The following OSBPL6 variants were observed in gnomAD, a reference collection of about 807,000 sequenced individuals.
OSBPL6 encodes the protein oxysterol binding protein like 6.
In OSBPL6, 49 loss-of-function variants were observed where a neutral mutation model predicts 125.8. The observed-to-expected ratio is 0.39, with a 90% confidence interval of 0.31 to 0.49. The LOEUF (loss-of-function observed/expected upper bound fraction) is 0.49. Ranked by LOEUF, OSBPL6 falls within the 20% of genes least tolerant of loss-of-function variation. The pLI, the probability that OSBPL6 is intolerant of heterozygous loss-of-function variation, is 0.88. For missense variants in OSBPL6, 986 were observed against 1,135.4 expected, an observed-to-expected ratio of 0.87 and a Z score of 1.89; for synonymous variants, 394 against 391.8, an observed-to-expected ratio of 1.01 and a Z score of -0.07.
chr2:178,195,485 A>AT, intron 1 of OSBPL6, among the ~76,000 whole-genome samples: 1 of 152,312 alleles, frequency 6.6e-6, no homozygotes, highest in Non-Finnish European at 1.5e-5. Flanking sequence ...ACACAAGCGG[A>AT]TTTTCTCCCC....
intron 15 of OSBPL6, among the ~76,000 whole-genome samples, chr2:178,378,899 C>T (rs1433144792): frequency 6.6e-6 from 1 of 152,124 alleles, no homozygotes; most frequent in East Asian, 1.9e-4. Flanking sequence ...GGCATGGTGG[C>T]TCATGCCTGT....
intron 15 of OSBPL6, among the ~76,000 whole-genome samples, chr2:178,374,363 A>G (rs1394360437): frequency 6.6e-6 from 1 of 152,240 alleles, no homozygotes; most frequent in East Asian, 1.9e-4. Context: ...TAATAAATAT[A>G]GAAAGAATGA....
intron 1 of OSBPL6, among the ~76,000 whole-genome samples, chr2:178,268,424 C>T (rs943437955): frequency 3.4e-5 from 5 of 146,714 alleles, no homozygotes; most frequent in African/African-American, 9.7e-5. Flanking sequence ...GTAAAGTACA[C>T]ACATCTTAAA....
At chr2:178,329,265 A>G (rs186229106) in intron 5 of OSBPL6, among the ~76,000 whole-genome samples, 1 of 152,262 alleles carries the variant, frequency 6.6e-6, no homozygotes, top group East Asian at 1.9e-4. Flanking sequence ...CCTTCCTCCC[A>G]ACATCCTTGT....
In OSBPL6 at chr2:178,290,509, C is replaced by T. The variant is rs139498857; in HGVS notation, c.-156+5388C>T. On this transcript the variant is annotated intron_variant, in intron 2 of 24. Transcript: ENST00000190611. ...CCTTTCAACCTGGCTCCTGTGTATA[C>T]GTATAGAAAAGAGAACCTATCATAT... Among the ~76,000 whole-genome samples the T allele has an allele frequency of 5.5e-3, 806 of 147,548 alleles. 8 individuals carry two copies. The highest frequency in any genetic ancestry group is 5.9e-3 in the Non-Finnish European group (398 of 67,434).
chr2:178,316,758 A>G (rs1687771286), intron 3 of OSBPL6, among the ~76,000 whole-genome samples: 1 of 152,196 alleles, frequency 6.6e-6, no homozygotes, highest in Non-Finnish European at 1.5e-5. Context: ...TTTAAAGTAT[A>G]TGGAAAGATG....
At position 178,333,335 on chromosome 2, in the gene OSBPL6, A is replaced by C. The variant is rs1689396168; in HGVS notation, c.657+294A>C. Among the ~76,000 whole-genome samples, 4 of 152,346 alleles carry C rather than the reference A, an allele frequency of 2.6e-5. No individual in the cohort carries two copies. The South Asian group carries it at 8.3e-4, about 32-fold the overall frequency. On this transcript the variant is annotated intron_variant, in intron 8 of 24. Coordinates refer to ENST00000190611, the MANE Select transcript of OSBPL6 (RefSeq NM_032523.4). ...GGGAGGCGGAGGTTGTAGTGAGCCA[A>C]GATTGTGCCACTACTGAATAGCCTG...
chr2:178,400,624 CAT>C lies in OSBPL6; in HGVS notation c.*5069_*5070del, dbSNP rs1209993976. 1 of 152,106 alleles carries C rather than the reference CAT, an allele frequency of 6.6e-6. No individual in the cohort carries two copies. Among genetic ancestry groups the C allele is most frequent in the Middle Eastern group, 3.2e-3 (1 of 316 alleles). 9.4% of individuals were successfully genotyped at this position (152,106 alleles called of 1,614,324 possible). A position where few individuals can be genotyped will look rare whatever the true frequency, so the allele number is the denominator to read the frequency against. ...TAAAGCTTGATTAAGGTATAACCGA[CAT>C]ATAATACACTTCGCATATTTGAACA... On this transcript the variant is annotated 3_prime_UTR_variant, in exon 25 of 25. Coordinates refer to ENST00000190611, the MANE Select transcript of OSBPL6 (RefSeq NM_032523.4).
chr2:178,342,443 T>G (rs1434719013), intron 11 of OSBPL6, among the ~76,000 whole-genome samples: 1 of 152,228 alleles, frequency 6.6e-6, no homozygotes, highest in Non-Finnish European at 1.5e-5. Flanking sequence ...GATGTTTGAT[T>G]GCTTATTCTT....
At chr2:178,371,961 A>G (rs1693431816) in intron 13 of OSBPL6, among the ~76,000 whole-genome samples, 165 bp from the exon 14 acceptor site, 1 of 152,194 alleles carries the variant, frequency 6.6e-6, no homozygotes, top group Non-Finnish European at 1.5e-5. Flanking sequence ...CTTAATTTTG[A>G]GCCATTTATT....
intron 12 of OSBPL6, among the ~76,000 whole-genome samples, chr2:178,357,308 AG>A (rs1418541895): frequency 2.0e-5 from 3 of 152,250 alleles, no homozygotes; most frequent in African/African-American, 7.2e-5. Flanking sequence ...GGCAACCTAC[AG>A]AATGGGAGAA....
chr2:178,379,284 A>AAAAG (rs879556198), intron 15 of OSBPL6, among the ~76,000 whole-genome samples: 7 of 118,020 alleles, frequency 5.9e-5, no homozygotes, highest in South Asian at 6.1e-4. Context: ...AGAAAGAAAG[A>AAAAG]AAAGAAAGAA....
At chr2:178,300,494 T>C (rs1313600389) in intron 2 of OSBPL6, among the ~76,000 whole-genome samples, 1 of 152,252 alleles carries the variant, frequency 6.6e-6, no homozygotes. Flanking sequence ...AGGGTCTCGC[T>C]CTGTCACCTA....
chr2:178,302,948 G>A (rs1006870204), intron 2 of OSBPL6, among the ~76,000 whole-genome samples: 3 of 152,096 alleles, frequency 2.0e-5, no homozygotes, highest in Non-Finnish European at 4.4e-5. Flanking sequence ...CATCACAAAA[G>A]TACCTCCTTT....
At chr2:178,275,116 T>A (rs1456509135) in intron 1 of OSBPL6, among the ~76,000 whole-genome samples, 2 of 151,940 alleles carry the variant, frequency 1.3e-5, no homozygotes, top group African/African-American at 4.8e-5. Context: ...AGTAGAGAAA[T>A]GAAATGGTAA....
intron 11 of OSBPL6, among the ~76,000 whole-genome samples, chr2:178,346,069 A>C (rs1690683712): frequency 6.6e-6 from 1 of 151,402 alleles, no homozygotes; most frequent in South Asian, 2.1e-4. Flanking sequence ...GGGACTGGCT[A>C]CTCCAGGATC....
Position 178,229,970 on chromosome 2 carries a change from T to C in OSBPL6, c.-351+35296T>C, listed in dbSNP as rs576879454. Among the ~76,000 whole-genome samples the C allele has an allele frequency of 2.0e-5, 3 of 152,332 alleles. No homozygotes were observed. The South Asian group carries it at 6.2e-4, about 32-fold the overall frequency. The stretch of plus-strand genomic sequence containing the variant: ...TAAAGTTTGAGAACCACTTAGTCTA[T>C]CTAGAAATGGACCAGCCCTCAGTCT... On this transcript the variant is annotated intron_variant, in intron 1 of 24. Coordinates refer to ENST00000190611, the MANE Select transcript of OSBPL6 (RefSeq NM_032523.4).
intron 3 of OSBPL6, among the ~76,000 whole-genome samples, chr2:178,318,600 A>T (rs1687969952): frequency 6.6e-6 from 1 of 152,222 alleles, no homozygotes; most frequent in East Asian, 1.9e-4. Flanking sequence ...GGCATTCAGA[A>T]GGATGCAATC....
chr2:178,302,210 C>T (rs879031323), intron 2 of OSBPL6, among the ~76,000 whole-genome samples: 2 of 152,086 alleles, frequency 1.3e-5, no homozygotes, highest in Admixed American at 1.3e-4. Flanking sequence ...TGTAGTGTTC[C>T]CACTGTTACA....
Sources: gnomAD v4.1 joint callset for allele counts (sites outside exome capture counted in the v4.1 genomes callset) on GRCh38, gnomAD v4.1.1 for gene constraint, MANE v1.5 for transcripts, NCBI Gene and HGNC (gene_info 2026-07-23, HGNC 2026-07-21) for gene names.